The following GRM8 variants were observed in gnomAD, a reference collection of about 807,000 sequenced individuals.
GRM8 encodes the protein metabotropic glutamate receptor 8.
GRM8 carries 47 observed loss-of-function variants against 87.2 expected under a neutral mutation model. The ratio of observed to expected loss-of-function variants is 0.54; its 90% CI spans 0.43 to 0.69. The LOEUF (loss-of-function observed/expected upper bound fraction) is 0.69, where lower values mean the gene tolerates loss of function less well. GRM8 is among the 30% of genes least tolerant of loss of function. The pLI is 0.00. For synonymous variants in GRM8, 396 were observed against 404.5 expected, an observed-to-expected ratio of 0.98 and a Z score of 0.25; for missense variants, 1,019 against 1,139.2, an observed-to-expected ratio of 0.89 and a Z score of 1.52.
intron 7 of GRM8, among the ~76,000 whole-genome samples, chr7:126,710,882 T>TA: frequency 6.6e-6 from 1 of 152,292 alleles, no homozygotes; most frequent in Non-Finnish European, 1.5e-5. Flanking sequence ...CCTTATAAAA[T>TA]ACATTTCTTG....
chr7:127,046,164 G>A lies in GRM8; in HGVS notation c.727+60332C>T, dbSNP rs138437948. On this transcript the variant is annotated intron_variant, in intron 3 of 10. Transcript: ENST00000339582. ...AGGTGGGCGGATCATGAGGTCAGGAGATCGAGACCATCCTGGCTAACACGG... is the reference window on the plus strand; with the variant it reads ...AGGTGGGCGGATCATGAGGTCAGGAAATCGAGACCATCCTGGCTAACACGG... 3.3e-5 allele frequency among the ~76,000 whole-genome samples: 5 copies of A among 152,230 alleles called. No individual in the cohort carries two copies. In the East Asian group the frequency reaches 5.8e-4, roughly 18 times the overall value.
intron 8 of GRM8, among the ~76,000 whole-genome samples, chr7:126,566,141 T>A (rs1794193747): frequency 6.6e-6 from 1 of 152,142 alleles, no homozygotes; most frequent in African/African-American, 2.4e-5. Context: ...TTTGATGAAT[T>A]TGACATCCAA....
intron 6 of GRM8, among the ~76,000 whole-genome samples, chr7:126,844,001 C>A (rs1796499035): frequency 6.6e-6 from 1 of 152,206 alleles, no homozygotes; most frequent in Non-Finnish European, 1.5e-5. Context: ...ACAACCAGCA[C>A]TCACTCACTG....
At chr7:126,629,923 A>T (rs949944315) in intron 7 of GRM8, among the ~76,000 whole-genome samples, 2 of 152,194 alleles carry the variant, frequency 1.3e-5, no homozygotes, top group African/African-American at 4.8e-5. Context: ...AAGCTGGCCT[A>T]TCAAACTGAT....
intron 6 of GRM8, among the ~76,000 whole-genome samples, chr7:126,811,066 CCA>C (rs1563209334): frequency 6.6e-6 from 1 of 152,016 alleles, no homozygotes; most frequent in Admixed American, 6.6e-5. Context: ...AGATAGAGGC[CCA>C]GTTTCATTCT....
chr7:127,027,459 A>G (rs1002206569), intron 3 of GRM8, among the ~76,000 whole-genome samples: 6 of 152,054 alleles, frequency 3.9e-5, no homozygotes, highest in African/African-American at 1.4e-4. Flanking sequence ...AATTCTTCCT[A>G]TCCATGAGCA....
intron 2 of GRM8, among the ~76,000 whole-genome samples, chr7:127,129,157 G>A (rs1339785370): frequency 1.3e-5 from 2 of 152,086 alleles, no homozygotes; most frequent in Non-Finnish European, 2.9e-5. Flanking sequence ...CAGGAACCCG[G>A]CTAAAGTCAA....
intron 3 of GRM8, among the ~76,000 whole-genome samples, chr7:126,961,193 A>G (rs939493133): frequency 3.9e-5 from 6 of 151,906 alleles, no homozygotes; most frequent in Non-Finnish European, 7.4e-5. Flanking sequence ...TAAGCTTGGG[A>G]AAAAAAAGTG....
chr7:127,131,155 C>G, intron 2 of GRM8, among the ~76,000 whole-genome samples: 1 of 152,212 alleles, frequency 6.6e-6, no homozygotes, highest in Non-Finnish European at 1.5e-5. Context: ...CTGAAACAGG[C>G]TCCCTCCCAA....
At chr7:126,821,351 T>C (rs1794281444) in intron 6 of GRM8, among the ~76,000 whole-genome samples, 1 of 152,122 alleles carries the variant, frequency 6.6e-6, no homozygotes, top group Admixed American at 6.5e-5. Flanking sequence ...CCTTAGGAAA[T>C]CAGCCTCAAA....
chr7:126,977,040 T>C lies in GRM8; in HGVS notation c.728-72357A>G, dbSNP rs80326805. ...GTTGTATCCAACTGACTTATTAGCA[T>C]ACACCTTGCTGCAAGGGTTTTATTT... On this transcript the variant is annotated intron_variant, in intron 3 of 10. Coordinates refer to ENST00000339582, the MANE Select transcript of GRM8 (RefSeq NM_000845.3). 6.2e-3 allele frequency among the ~76,000 whole-genome samples: 947 copies of C among 152,314 alleles called. 11 individuals are homozygous for C. The highest frequency in any genetic ancestry group is 0.021 in the African/African-American group (888 of 41,568).
At chr7:127,069,799 C>T (rs1586910885) in intron 3 of GRM8, among the ~76,000 whole-genome samples, 2 of 152,130 alleles carry the variant, frequency 1.3e-5, no homozygotes, top group Admixed American at 6.5e-5. Flanking sequence ...ATGTATGATC[C>T]TAGTTTTGTA....
At chr7:127,151,496 T>G (rs1828858107) in intron 2 of GRM8, among the ~76,000 whole-genome samples, 1 of 152,124 alleles carries the variant, frequency 6.6e-6, no homozygotes, top group Non-Finnish European at 1.5e-5. Flanking sequence ...TGGATGGTTG[T>G]GAAAAGCCAT....
At chr7:126,454,301 T>A (rs938944657) in intron 9 of GRM8, among the ~76,000 whole-genome samples, 2 of 151,708 alleles carry the variant, frequency 1.3e-5, no homozygotes, top group Non-Finnish European at 1.5e-5. Flanking sequence ...AGAATTTAAA[T>A]TTTAGGCTAA....
intron 6 of GRM8, among the ~76,000 whole-genome samples, chr7:126,837,390 T>C (rs181198999): frequency 1.3e-5 from 2 of 152,360 alleles, no homozygotes; most frequent in Admixed American, 6.5e-5. Context: ...TTAGAAAAGA[T>C]GTAGGGTACA....
chr7:126,879,496 G>GAGAAATTT (rs1799837284), intron 6 of GRM8, among the ~76,000 whole-genome samples: 1 of 151,784 alleles, frequency 6.6e-6, no homozygotes, highest in African/African-American at 2.4e-5. Context: ...TCTCCTTCAG[G>GAGAAATTT]AAAGCCATTT....
rs513 is a variant in GRM8 at position 126,456,519 on chromosome 7, T to TAAAAAAAAAAAAAAAAAAAAAAAAA, written c.2431-10172_2431-10148dup. On this transcript the variant is annotated intron_variant, in intron 9 of 10. Coordinates refer to ENST00000339582, the MANE Select transcript of GRM8 (RefSeq NM_000845.3). ...TCCTAAGTGTAAGAAAGCAGCAAGCTAAAAAAAAAAAAAAAAAAAAAAAAA... is the reference window on the plus strand; with the variant it reads ...TCCTAAGTGTAAGAAAGCAGCAAGCTAAAAAAAAAAAAAAAAAAAAAAAAAAAAAAAAAAAAAAAAAAAAAAAAAA... Among the ~76,000 whole-genome samples, 67 of 69,688 alleles carry TAAAAAAAAAAAAAAAAAAAAAAAAA rather than the reference T, an allele frequency of 9.6e-4. 3 individuals are homozygous for TAAAAAAAAAAAAAAAAAAAAAAAAA. The highest frequency in any genetic ancestry group is 7.5e-3 in the Middle Eastern group (1 of 134). The allele number at this position is 69,688 out of a possible 152,430, so 45.7% of individuals were successfully genotyped here. A position where few individuals can be genotyped will look rare whatever the true frequency, so the allele number is the denominator to read the frequency against.
intron 9 of GRM8, among the ~76,000 whole-genome samples, chr7:126,477,573 A>G (rs1333343490): frequency 2.7e-5 from 3 of 112,990 alleles, no homozygotes; most frequent in East Asian, 2.4e-4. Context: ...GAAAGAAAGA[A>G]AGAAAGAGAG....
At chr7:127,203,380 C>T (rs926480329) in intron 2 of GRM8, among the ~76,000 whole-genome samples, 13 of 152,146 alleles carry the variant, frequency 8.5e-5, no homozygotes, top group African/African-American at 2.7e-4. Flanking sequence ...ACACAATATA[C>T]TCTTGTAACA....
Sources: allele counts gnomAD v4.1 joint callset (sites outside exome capture counted in the v4.1 genomes callset), GRCh38; gene constraint gnomAD v4.1.1; transcripts MANE v1.5; gene names NCBI Gene and HGNC (gene_info 2026-07-23, HGNC 2026-07-21).